Variants in SEPTIN3 observed in about 807,000 individuals in gnomAD.
The protein encoded by SEPTIN3 is septin 3.
Under a neutral mutation model 45.1 loss-of-function variants are expected in SEPTIN3, and 15 were observed. The observed-to-expected ratio is 0.33, with a 90% CI of 0.22 to 0.51. SEPTIN3 has a LOEUF of 0.51. SEPTIN3 is among the 20% of genes least tolerant of loss of function. SEPTIN3 has a pLI of 0.97. For synonymous variants in SEPTIN3, 148 were observed against 164.8 expected, an observed-to-expected ratio of 0.90 and a Z score of 0.78; for missense variants, 289 against 457.2, an observed-to-expected ratio of 0.63 and a Z score of 3.35.
chr22:41,973,231 G>A (rs995737732), intron 2 of SEPTIN3, among the ~76,000 whole-genome samples: 13 of 151,578 alleles, frequency 8.6e-5, no homozygotes, highest in African/African-American at 3.2e-4. Flanking sequence ...CTATCAGAAA[G>A]AAGGTTTTGG....
At chr22:41,988,833 C>T (rs2078252240) in intron 6 of SEPTIN3, among the ~76,000 whole-genome samples, 1 of 152,130 alleles carries the variant, frequency 6.6e-6, no homozygotes, top group Non-Finnish European at 1.5e-5. Flanking sequence ...ATAGGCAGAA[C>T]AAGATGTACA....
At chr22:41,977,764 T>A (rs997234937) in intron 2 of SEPTIN3, among the ~76,000 whole-genome samples, 20 of 152,118 alleles carry the variant, frequency 1.3e-4, no homozygotes, top group Admixed American at 5.2e-4. Context: ...AGCTGCTACC[T>A]TCCTAACACA....
intron 7 of SEPTIN3, 41 bp from the exon 8 acceptor site, chr22:41,991,532 C>T: frequency 6.9e-7 from 1 of 1,448,478 alleles, no homozygotes. Context: ...TTTTCCATTA[C>T]CCTGACACTT....
intron 8 of SEPTIN3, 107 bp downstream of exon 8, chr22:41,991,775 C>T (rs2078322296): frequency 1.2e-6 from 1 of 807,200 alleles, no homozygotes; most frequent in Non-Finnish European, 2.2e-6. Flanking sequence ...CTCCCCCCAA[C>T]CTTGCCTGAC....
rs150116643 is a variant in SEPTIN3, at chr22:41,993,385, C to T, written c.2359+622C>T. 3.1e-3 allele frequency among the ~76,000 whole-genome samples: 477 copies of T among 151,498 alleles called. 11 individuals carry two copies. The highest frequency in any genetic ancestry group is 0.023 in the East Asian group (117 of 5,140). On this transcript the variant is annotated intron_variant, in intron 9 of 11. Transcript: ENST00000644076. ...TGTCATCCAGGCTGGAGTGCAGTGGCGCAATCTCAGCTCACTGCAACCTCT... is the reference window on the plus strand; with the variant it reads ...TGTCATCCAGGCTGGAGTGCAGTGGTGCAATCTCAGCTCACTGCAACCTCT...
intron 6 of SEPTIN3, among the ~76,000 whole-genome samples, chr22:41,988,484 A>G (rs1051652972): frequency 4.6e-5 from 7 of 152,144 alleles, no homozygotes; most frequent in African/African-American, 1.7e-4. Context: ...AGCTCTTCAG[A>G]GGATGGCACA....
At chr22:41,973,114 G>C (rs1212810374) in intron 2 of SEPTIN3, 118 bp downstream of exon 2, 5 of 397,226 alleles carry the variant, frequency 1.3e-5, no homozygotes, top group African/African-American at 1.0e-4. Flanking sequence ...CTAAGGTCAG[G>C]GTTGAATGGG....
intron 11 of SEPTIN3, chr22:41,996,037 G>A: frequency 1.0e-6 from 1 of 985,320 alleles, no homozygotes; most frequent in South Asian, 4.7e-5. Context: ...TGCTCCATTT[G>A]CTTCATACAT....
At chr22:41,986,146 T>C in intron 4 of SEPTIN3, 34 bp downstream of exon 4, 2 of 1,607,706 alleles carry the variant, frequency 1.2e-6, no homozygotes, top group Admixed American at 3.3e-5. Context: ...ATGGGCTTTG[T>C]TCAGTGAGTG....
At chr22:41,973,734 A>G (rs1408664713) in intron 2 of SEPTIN3, among the ~76,000 whole-genome samples, 1 of 152,042 alleles carries the variant, frequency 6.6e-6, no homozygotes, top group Admixed American at 6.5e-5. Context: ...TAATCCCAAC[A>G]TTTTGGGAGG....
At chr22:41,988,205 G>A (rs890995326) in intron 6 of SEPTIN3, among the ~76,000 whole-genome samples, 2 of 152,142 alleles carry the variant, frequency 1.3e-5, no homozygotes, top group Admixed American at 1.3e-4. Context: ...CCAGTTGTAG[G>A]CATTTAGAAG....
rs145757767 is a variant in SEPTIN3 at position 41,974,387 on chromosome 22, A to G, written c.1504+1391A>G. On this transcript the variant is annotated intron_variant, in intron 2 of 11. Coordinates refer to ENST00000644076, the MANE Select transcript of SEPTIN3 (RefSeq NM_001363845.2). ...TGTTCAAGACTAGCCTGGCCAGGCCAGGCGTGGTGGCTCACACCTATAATC... is the reference window on the plus strand; with the variant it reads ...TGTTCAAGACTAGCCTGGCCAGGCCGGGCGTGGTGGCTCACACCTATAATC... 2.5e-3 allele frequency among the ~76,000 whole-genome samples: 379 copies of G among 152,124 alleles called. 2 individuals are homozygous for G. Among genetic ancestry groups the G allele is most frequent in the African/African-American group, 8.9e-3 (370 of 41,494 alleles).
chr22:41,995,312 G>A (rs1413105709), intron 11 of SEPTIN3: 5 of 991,088 alleles, frequency 5.0e-6, no homozygotes, highest in Non-Finnish European at 6.0e-6. Flanking sequence ...TGAGAAGGCA[G>A]AGAAGTAGGC....
At chr22:41,986,666 A>AT (rs1315187962) in intron 4 of SEPTIN3, among the ~76,000 whole-genome samples, 2 of 151,436 alleles carry the variant, frequency 1.3e-5, no homozygotes, top group African/African-American at 2.4e-5. Context: ...CGCCCGGCTA[A>AT]TTTTTTTTGT....
In SEPTIN3 at chr22:41,994,115, A is replaced by G. The variant is rs986615265; in HGVS notation, c.2360-175A>G. On this transcript the variant is annotated intron_variant, in intron 9 of 11. Transcript: ENST00000644076. The surrounding 1 kb of genome is among the most constrained non-coding windows in gnomAD (Gnocchi z 4.2). Reference sequence around the variant, plus strand: ...CATTGTAGCTGCTTAATATTTGTTCAATGAATCAAATCCAGTACACCCAAG... The same window carrying G: ...CATTGTAGCTGCTTAATATTTGTTCGATGAATCAAATCCAGTACACCCAAG... Among the ~76,000 whole-genome samples the G allele has an allele frequency of 2.6e-5, 4 of 152,192 alleles. No homozygotes were observed. The highest frequency in any genetic ancestry group is 9.7e-5 in the African/African-American group (4 of 41,440).
intron 7 of SEPTIN3, among the ~76,000 whole-genome samples, 183 bp downstream of exon 7, chr22:41,989,867 T>A (rs998753009): frequency 1.2e-4 from 18 of 151,782 alleles, no homozygotes; most frequent in African/African-American, 4.4e-4. Context: ...CTGGGGACTA[T>A]GATGAAGAAA....
chr22:41,992,088 A>C (rs1239161554), intron 8 of SEPTIN3, among the ~76,000 whole-genome samples: 1 of 152,230 alleles, frequency 6.6e-6, no homozygotes, highest in East Asian at 1.9e-4. Context: ...TAACTTAAAA[A>C]AATTAAATTG....
intron 7 of SEPTIN3, among the ~76,000 whole-genome samples, chr22:41,990,516 C>A (rs1404530372): frequency 6.7e-6 from 1 of 149,432 alleles, no homozygotes; most frequent in Admixed American, 6.7e-5. Flanking sequence ...GAGGCAGAGG[C>A]GGGTGAATCA....
intron 2 of SEPTIN3, among the ~76,000 whole-genome samples, chr22:41,978,751 A>G (rs1346893163): frequency 6.6e-6 from 1 of 152,154 alleles, no homozygotes; most frequent in Non-Finnish European, 1.5e-5. Context: ...TTGACAGCAT[A>G]TGAAATGGCC....
Sources: gnomAD v4.1 joint callset for allele counts (sites outside exome capture counted in the v4.1 genomes callset) on GRCh38, gnomAD v4.1.1 for gene constraint, Gnocchi (gnomAD v3.1) non-coding constraint, MANE v1.5 for transcripts, NCBI Gene and HGNC (gene_info 2026-07-23, HGNC 2026-07-21) for gene names.